Variants in CSGALNACT1 observed in about 807,000 individuals in gnomAD.
CSGALNACT1 encodes beta4GalNAcT-1.
Under a neutral mutation model 51.0 loss-of-function variants are expected in CSGALNACT1, and 52 were observed. That is an observed-to-expected ratio of 1.02 (90% CI 0.82 to 1.29). The LOEUF (loss-of-function observed/expected upper bound fraction) is 1.29. Among genes scored for constraint, CSGALNACT1 ranks in the 50% most tolerant of loss-of-function variants. The probability of loss-of-function intolerance (pLI) is 0.00; values close to 1 mark genes in which losing one functional copy is unlikely to be tolerated. For missense variants in CSGALNACT1, 935 were observed against 679.2 expected (o/e 1.38, Z -4.19); for synonymous variants, 341 against 254.4 (o/e 1.34, Z -3.24).
chr8:19,485,030 G>T (rs2072511816), intron 4 of CSGALNACT1, among the ~76,000 whole-genome samples: 1 of 152,150 alleles, frequency 6.6e-6, no homozygotes, highest in East Asian at 1.9e-4. Flanking sequence ...GCCAGTGGGT[G>T]AGAAAATAAA....
At chr8:19,614,319 T>C (rs898381309) in intron 1 of CSGALNACT1, among the ~76,000 whole-genome samples, 7 of 152,204 alleles carry the variant, frequency 4.6e-5, no homozygotes, top group Non-Finnish European at 1.0e-4. Context: ...TAATATGTAA[T>C]GTTAGCTTTT....
intron 1 of CSGALNACT1, among the ~76,000 whole-genome samples, chr8:19,696,878 A>G (rs899134896): frequency 3.9e-5 from 6 of 152,282 alleles, no homozygotes; most frequent in Middle Eastern, 3.4e-3. Flanking sequence ...TCCCAGAAAG[A>G]CAAGTATAGG....
At chr8:19,620,841 G>C (rs2053730975) in intron 1 of CSGALNACT1, among the ~76,000 whole-genome samples, 2 of 152,166 alleles carry the variant, frequency 1.3e-5, no homozygotes, top group South Asian at 4.1e-4. Context: ...CGGACTGAAA[G>C]TTACCAGATG....
At chr8:19,433,411 G>T (rs2059928339) in intron 6 of CSGALNACT1, among the ~76,000 whole-genome samples, 1 of 152,228 alleles carries the variant, frequency 6.6e-6, no homozygotes, top group South Asian at 2.1e-4. Flanking sequence ...TTTCAGGAAT[G>T]TGCTGGAGCT....
intron 3 of CSGALNACT1, among the ~76,000 whole-genome samples, chr8:19,547,834 A>G (rs958237183): frequency 5.3e-5 from 8 of 152,218 alleles, no homozygotes; most frequent in Admixed American, 6.5e-5. Context: ...GAAGTGAAAG[A>G]AAGAGTAACA....
At chr8:19,453,448 CAG>C (rs2063539599) in intron 5 of CSGALNACT1, among the ~76,000 whole-genome samples, 3 of 152,076 alleles carry the variant, frequency 2.0e-5, no homozygotes, top group Admixed American at 1.3e-4. Flanking sequence ...GTTAAAAAAA[CAG>C]AGATGCTAAT....
intron 6 of CSGALNACT1, among the ~76,000 whole-genome samples, chr8:19,425,990 G>A (rs1037470003): frequency 1.3e-5 from 2 of 152,082 alleles, no homozygotes; most frequent in African/African-American, 4.8e-5. Flanking sequence ...CTGTGTCCTG[G>A]TGCCTTCAAG....
At chr8:19,586,284 G>C (rs1462582198) in intron 3 of CSGALNACT1, among the ~76,000 whole-genome samples, 1 of 151,960 alleles carries the variant, frequency 6.6e-6, no homozygotes, top group Non-Finnish European at 1.5e-5. Flanking sequence ...GCTTGAACCT[G>C]TGATGGGGAG....
chr8:19,734,567 C>T (rs185552715), intron 1 of CSGALNACT1, among the ~76,000 whole-genome samples: 106 of 152,280 alleles, frequency 7.0e-4, no homozygotes, highest in African/African-American at 2.3e-3. Flanking sequence ...ATTCTTTGCA[C>T]AAATAAACTC....
intron 6 of CSGALNACT1, among the ~76,000 whole-genome samples, chr8:19,429,596 CTTATG>C (rs1190835305): frequency 3.3e-5 from 5 of 152,170 alleles, no homozygotes; most frequent in Non-Finnish European, 7.3e-5. Context: ...CCATTGTGTG[CTTATG>C]TTATATTTTG....
At chr8:19,557,245 C>T (rs915560280) in intron 3 of CSGALNACT1, among the ~76,000 whole-genome samples, 2 of 152,174 alleles carry the variant, frequency 1.3e-5, no homozygotes, top group Non-Finnish European at 2.9e-5. Flanking sequence ...TCCCTGTCTA[C>T]CCATAATTCC....
At chr8:19,681,674 C>A (rs1419763068) in intron 1 of CSGALNACT1, among the ~76,000 whole-genome samples, 1 of 152,222 alleles carries the variant, frequency 6.6e-6, no homozygotes, top group Non-Finnish European at 1.5e-5. Context: ...CTTGCAGCAC[C>A]TCATCTGGCC....
chr8:19,682,814 T>C (rs982052027), upstream of CSGALNACT1: 4 of 449,868 alleles, frequency 8.9e-6, no homozygotes, highest in Middle Eastern at 6.9e-4. Context: ...CCAGCACAGA[T>C]AACACTATCC....
In CSGALNACT1 at chr8:19,410,486, A is replaced by G. The variant is rs2055421169; in HGVS notation, c.1228-1792T>C. 1.3e-5 allele frequency among the ~76,000 whole-genome samples: 2 copies of G among 152,206 alleles called. 1 individual carries two copies. The highest frequency in any genetic ancestry group is 4.8e-5 in the African/African-American group (2 of 41,450). ...CTTATGGGTAAAAATGGAGTCAAAG[A>G]GAAGTGCCAGTATCCAATCTTCAAA... On this transcript the variant is annotated intron_variant, in intron 8 of 9. Coordinates refer to ENST00000454498, the Ensembl canonical transcript of CSGALNACT1.
At chr8:19,427,657 G>T (rs768372701) in intron 6 of CSGALNACT1, among the ~76,000 whole-genome samples, 1 of 152,052 alleles carries the variant, frequency 6.6e-6, no homozygotes, top group Non-Finnish European at 1.5e-5. Flanking sequence ...GCATGGTGGC[G>T]GGCACCTGTA....
At chr8:19,698,146 A>T (rs2061675517) in intron 1 of CSGALNACT1, among the ~76,000 whole-genome samples, 1 of 152,216 alleles carries the variant, frequency 6.6e-6, no homozygotes, top group South Asian at 2.1e-4. Context: ...CAGTCCCATG[A>T]GGTCCCCTTG....
At chr8:19,525,434 C>A (rs1476106717) in intron 3 of CSGALNACT1, among the ~76,000 whole-genome samples, 1 of 150,862 alleles carries the variant, frequency 6.6e-6, no homozygotes, top group Non-Finnish European at 1.5e-5. Flanking sequence ...TGAAGCCCCA[C>A]CTCTACTAAA....
chr8:19,659,820 C>T (rs1409624821), intron 1 of CSGALNACT1, among the ~76,000 whole-genome samples: 1 of 152,222 alleles, frequency 6.6e-6, no homozygotes, highest in Non-Finnish European at 1.5e-5. Flanking sequence ...CATAACCCTC[C>T]AGCAGTGCAT....
At chr8:19,666,865 GAAAGAAAGAAAGAAAGAA>G (rs1443352100) in intron 1 of CSGALNACT1, among the ~76,000 whole-genome samples, 22 of 124,856 alleles carry the variant, frequency 1.8e-4, no homozygotes, top group African/African-American at 2.9e-4. Flanking sequence ...AAGAAAGAAA[GAAAGAAAGAAAGAAAGAA>G]AGAGAGAGAG....
Sources: allele counts gnomAD v4.1 joint callset (sites outside exome capture counted in the v4.1 genomes callset), GRCh38; gene constraint gnomAD v4.1.1; transcripts MANE v1.5; gene names NCBI Gene and HGNC (gene_info 2026-07-23, HGNC 2026-07-21).